TRANK1: variants seen among roughly 807,000 people sequenced by gnomAD.
TRANK1 encodes TPR and ankyrin repeat-containing protein 1.
TRANK1 carries 198 observed loss-of-function variants against 266.0 expected under a neutral mutation model. That is an observed-to-expected ratio of 0.74 (90% CI 0.66 to 0.84). TRANK1 has a LOEUF of 0.84. Ranked by LOEUF, TRANK1 falls within the 40% of genes least tolerant of loss-of-function variation. TRANK1 has a pLI of 0.00. For missense variants in TRANK1, 3,326 were observed against 3,634.6 expected, an observed-to-expected ratio of 0.92 and a Z score of 2.18; for synonymous variants, 1,396 against 1,384.1, an observed-to-expected ratio of 1.01 and a Z score of -0.19.
At chr3:36,933,770 A>G (rs2080390094) in intron 1 of TRANK1, among the ~76,000 whole-genome samples, 1 of 152,204 alleles carries the variant, frequency 6.6e-6, no homozygotes, top group African/African-American at 2.4e-5. Flanking sequence ...ATATTTGGTA[A>G]AAACATAGCC....
At chr3:36,938,621 T>A (rs1037005753) in intron 1 of TRANK1, among the ~76,000 whole-genome samples, 1 of 152,128 alleles carries the variant, frequency 6.6e-6, no homozygotes, top group African/African-American at 2.4e-5. Flanking sequence ...CTGAAAGATG[T>A]ATTTATCCAC....
intron 8 of TRANK1, among the ~76,000 whole-genome samples, chr3:36,879,609 AATATACAAATATATATAAAT>A: frequency 1.1e-5 from 1 of 94,446 alleles, no homozygotes; most frequent in South Asian, 3.0e-4. Context: ...AATATATATA[AATATACAAATATATATAAAT>A]ATATATAAAT....
rs533543237 is a variant in TRANK1 at position 36,858,490 on chromosome 3, T to C, written c.1672+228A>G. Among the ~76,000 whole-genome samples, 7 of 152,336 alleles carry C rather than the reference T, an allele frequency of 4.6e-5. No individual in the cohort carries two copies. In the South Asian group the frequency reaches 1.4e-3, roughly 32 times the overall value. On this transcript the variant is annotated intron_variant, in intron 12 of 23. Coordinates refer to ENST00000645898, the MANE Select transcript of TRANK1 (RefSeq NM_001329998.2). ...TTTTTCAGCTACCAACAGCCAACTC[T>C]GGAACTTTAGAATCCTCCATCAACC... is the stretch of plus-strand genomic sequence containing the variant.
chr3:36,907,504 G>T (rs1258581246), intron 2 of TRANK1, among the ~76,000 whole-genome samples: 2 of 127,798 alleles, frequency 1.6e-5, no homozygotes, highest in African/African-American at 6.1e-5. Context: ...TGGCTCTGTC[G>T]CCCAGGATGG....
At chr3:36,828,409 G>T in intron 23 of TRANK1, 34 bp from the exon 24 acceptor site, 2 of 508,130 alleles carry the variant, frequency 3.9e-6, no homozygotes, top group Non-Finnish European at 7.6e-6. Flanking sequence ...AGGAAGGAAG[G>T]AAAGAAGGGA....
At chr3:36,941,866 A>G (rs2080500990) in intron 1 of TRANK1, among the ~76,000 whole-genome samples, 1 of 152,184 alleles carries the variant, frequency 6.6e-6, no homozygotes, top group Non-Finnish European at 1.5e-5. Flanking sequence ...TTTTAAAAGC[A>G]ATGAGCCTGC....
At chr3:36,923,522 C>A (rs1252338100) in intron 1 of TRANK1, among the ~76,000 whole-genome samples, 5 of 152,128 alleles carry the variant, frequency 3.3e-5, no homozygotes, top group African/African-American at 7.2e-5. Flanking sequence ...TCCCAAAGTG[C>A]TAGGATTACA....
chr3:36,858,429 C>T (rs2079089628), intron 12 of TRANK1, among the ~76,000 whole-genome samples: 1 of 152,202 alleles, frequency 6.6e-6, no homozygotes, highest in Non-Finnish European at 1.5e-5. Context: ...CCTTCATACG[C>T]AGACCCTTGA....
chr3:36,849,919 G>C (rs1422216333), intron 15 of TRANK1: 2 of 580,524 alleles, frequency 3.4e-6, no homozygotes, highest in Non-Finnish European at 4.3e-6. Flanking sequence ...AAAAGATTCT[G>C]TTTGGGATTG....
chr3:36,931,702 A>G (rs1000769860), intron 1 of TRANK1, among the ~76,000 whole-genome samples: 1 of 152,228 alleles, frequency 6.6e-6, no homozygotes, highest in Non-Finnish European at 1.5e-5. Flanking sequence ...ACCCTGTCAC[A>G]AAAAGAAAGA....
intron 17 of TRANK1, among the ~76,000 whole-genome samples, chr3:36,843,031 C>A (rs955367657): frequency 1.3e-5 from 2 of 152,154 alleles, no homozygotes; most frequent in African/African-American, 4.8e-5. Flanking sequence ...GGCTGCAAAC[C>A]AAGGAGAGAG....
At chr3:36,829,180 C>T (rs1392947519) in intron 23 of TRANK1, among the ~76,000 whole-genome samples, 6 of 152,130 alleles carry the variant, frequency 3.9e-5, no homozygotes, top group Non-Finnish European at 8.8e-5. Flanking sequence ...TGTACTAGAA[C>T]CTCAATAACT....
intron 18 of TRANK1, among the ~76,000 whole-genome samples, chr3:36,839,188 G>A (rs2078810413): frequency 6.6e-6 from 1 of 152,198 alleles, no homozygotes; most frequent in Non-Finnish European, 1.5e-5. Context: ...GTAGAAATGG[G>A]GATAAAGATG....
In TRANK1 at chr3:36,832,455, T is replaced by C. The variant is rs779468310; in HGVS notation, c.7128A>G (p.Arg2376=). 2.5e-6 allele frequency: 4 copies of C among 1,613,944 alleles called. No homozygotes were observed. Among genetic ancestry groups the C allele is most frequent in the Middle Eastern group, 1.6e-4 (1 of 6,062 alleles). ...CTTCTATTCCTTTTATCCTGCTGCC[T>C]CTCCCCCTGCCCCTTTCATCCTTTT... is the stretch of plus-strand genomic sequence containing the variant. ...ESEKDERGRG[R]GSRIKGIEGK... The change falls in exon 22 of 24, where the codon AGA becomes AGG. Residue 2376 remains arginine (R), a synonymous_variant. Transcript: ENST00000645898.
In TRANK1 at chr3:36,879,645, A is replaced by AAT. The variant is rs373169975; in HGVS notation, c.908-5351_908-5350dup. Among the ~76,000 whole-genome samples the AAT allele has an allele frequency of 5.4e-5, 4 of 73,768 alleles. 1 individual carries two copies. The highest frequency in any genetic ancestry group is 2.8e-4 in the African/African-American group (4 of 14,040). The allele number at this position is 73,768 out of a possible 152,430, so 48.4% of individuals were successfully genotyped here. On this transcript the variant is annotated intron_variant, in intron 8 of 23. Transcript: ENST00000645898. ...ATATATAAATATATATAAATATACA[A>AAT]ATATATATAAATATATAAATATATA...
At chr3:36,919,929 GTTTTGT>G (rs2080191475) in intron 1 of TRANK1, among the ~76,000 whole-genome samples, 1 of 152,092 alleles carries the variant, frequency 6.6e-6, no homozygotes, top group African/African-American at 2.4e-5. Context: ...AGAGTTGTTT[GTTTTGT>G]TTTTAATAAT....
At chr3:36,829,972 T>C (rs1466809580) in intron 22 of TRANK1, among the ~76,000 whole-genome samples, 5 of 152,224 alleles carry the variant, frequency 3.3e-5, no homozygotes, top group Non-Finnish European at 1.5e-5. Flanking sequence ...TTATGGAACA[T>C]TTTAAAATAT....
At chr3:36,943,169 G>C (rs1462045707) in intron 1 of TRANK1, among the ~76,000 whole-genome samples, 1 of 151,902 alleles carries the variant, frequency 6.6e-6, no homozygotes, top group African/African-American at 2.4e-5. Flanking sequence ...TCCAGCCTGG[G>C]TGACAGAGCG....
chr3:36,842,609 T>A lies in TRANK1; in HGVS notation c.5280+13A>T, dbSNP rs755710660. On this transcript the variant is annotated intron_variant, in intron 18 of 23. Coordinates refer to ENST00000645898, the MANE Select transcript of TRANK1 (RefSeq NM_001329998.2). ...CACCAGTGACAAGGACCCCTCCTAG[T>A]CCAACCCCTTACCTTCCAGCACTGG... 2.5e-6 allele frequency: 4 copies of A among 1,613,120 alleles called. No homozygotes were observed. In the East Asian group the frequency reaches 6.7e-5, roughly 27 times the overall value.
Sources: allele counts gnomAD v4.1 joint callset (sites outside exome capture counted in the v4.1 genomes callset), GRCh38; gene constraint gnomAD v4.1.1; transcripts MANE v1.5; gene names NCBI Gene and HGNC (gene_info 2026-07-23, HGNC 2026-07-21).